Variants in NPFF observed in about 807,000 individuals in gnomAD.
NPFF encodes the protein pro-FMRFamide-related neuropeptide FF.
Under a neutral mutation model 12.9 loss-of-function variants are expected in NPFF, and 14 were observed. That is an observed-to-expected ratio of 1.09 (90% confidence interval 0.72 to 1.70). The LOEUF is 1.70. Among genes scored for constraint, NPFF ranks in the 40% most tolerant of loss-of-function variants. The pLI is 0.00. For missense variants in NPFF, 140 were observed against 135.7 expected (o/e 1.03, Z -0.16); for synonymous variants, 56 against 57.3 (o/e 0.98, Z 0.10).
intron 1 of NPFF, 59 bp downstream of exon 1, chr12:53,507,314 A>C: frequency 6.2e-7 from 1 of 1,608,610 alleles, no homozygotes; most frequent in South Asian, 1.1e-5. Flanking sequence ...CAGAACCTAG[A>C]GCACAAGTCT....
intron 1 of NPFF, 28 bp from the exon 2 acceptor site, chr12:53,507,170 A>C: frequency 6.2e-7 from 1 of 1,611,254 alleles, no homozygotes; most frequent in Non-Finnish European, 8.5e-7. Context: ...CAGGGAAGGA[A>C]GATGGGCAAA....
chr12:53,506,816 A>T lies in NPFF; in HGVS notation c.302T>A (p.Phe101Tyr). The part of the protein sequence containing the change: ...PRAGEGLNSQ[F>Y]WSLAAPQRFG... ...GCGTTGAGGGGCAGCCAGGCTCCAG[A>T]ACTGGGAATTCAGCCCCTCTCCAGC... The change falls in exon 3 of 3, where the codon TTC becomes TAC. Residue 101 changes from phenylalanine (F) to tyrosine (Y), a missense_variant. By Grantham distance (22) the Phe-to-Tyr change is conservative (BLOSUM62 3). Transcript: ENST00000267017. The T allele has an allele frequency of 6.3e-7, 1 of 1,597,424 alleles. No individual in the cohort carries two copies. The highest frequency in any genetic ancestry group is 8.5e-7 in the Non-Finnish European group (1 of 1,172,142).
intron 2 of NPFF, 59 bp downstream of exon 2, chr12:53,506,962 C>G (rs1273043237): frequency 6.3e-7 from 1 of 1,592,186 alleles, no homozygotes; most frequent in South Asian, 1.1e-5. Flanking sequence ...TCCTCTTCCT[C>G]TGCCTCCTGC....
intron 1 of NPFF, 77 bp downstream of exon 1, chr12:53,507,296 G>T: frequency 1.2e-6 from 2 of 1,601,464 alleles, no homozygotes; most frequent in Non-Finnish European, 8.5e-7. Flanking sequence ...GGCAGCCAGA[G>T]AAAGTATCAG....
In NPFF at chr12:53,506,718, C is replaced by T; in HGVS notation, c.*58G>A. 1 of 1,297,370 alleles carries T rather than the reference C, an allele frequency of 7.7e-7. No homozygotes were observed. The highest frequency in any genetic ancestry group is 1.1e-6 in the Non-Finnish European group (1 of 939,174). The allele number at this position is 1,297,370 out of a possible 1,614,324, so 80.4% of individuals were successfully genotyped here. A position where few individuals can be genotyped will look rare whatever the true frequency, so the allele number is the denominator to read the frequency against. On this transcript the variant is annotated 3_prime_UTR_variant, in exon 3 of 3. Coordinates refer to ENST00000267017, the MANE Select transcript of NPFF (RefSeq NM_003717.4). Reference sequence around the variant, plus strand: ...AAGCCAGACAATTTTATTTGGGGGGCAAACATTGACACTTTTGGGTGTGGA... The same window carrying T: ...AAGCCAGACAATTTTATTTGGGGGGTAAACATTGACACTTTTGGGTGTGGA...
intron 2 of NPFF, 59 bp from the exon 3 acceptor site, chr12:53,506,952 T>C: frequency 6.3e-7 from 1 of 1,585,440 alleles, no homozygotes; most frequent in Non-Finnish European, 8.6e-7. Context: ...CCCTTCCTTC[T>C]CCTCTTCCTC....
At chr12:53,507,283 C>A in intron 1 of NPFF, 90 bp downstream of exon 1, 1 of 1,597,226 alleles carries the variant, frequency 6.3e-7, no homozygotes, top group Non-Finnish European at 8.6e-7. Flanking sequence ...TAATGACAAC[C>A]TTGGCAGCCA....
rs1944037142 is a variant in NPFF, at chr12:53,507,421, C to A, written c.54G>T (p.Gly18=). 2 of 1,613,866 alleles carry A rather than the reference C, an allele frequency of 1.2e-6. No homozygotes were observed. Among genetic ancestry groups the A allele is most frequent in the African/African-American group, 2.7e-5 (2 of 74,890 alleles). ...GGCCTCCTGGCCCTTCAGCACAGCC[C>A]CCGTCTATTAACAGCAGCAGCACCA... ...ALLVLLLLID[G]GCAEGPGGQQ... Residue 18 remains glycine (G), a synonymous_variant, in exon 1 of 3, where the codon GGG becomes GGT. Coordinates refer to ENST00000267017, the MANE Select transcript of NPFF (RefSeq NM_003717.4).
rs1592748921 is a variant in NPFF at position 53,507,419 on chromosome 12, C to T, written c.56G>A (p.Gly19Asp). ...CTGGCCTCCTGGCCCTTCAGCACAG[C>T]CCCCGTCTATTAACAGCAGCAGCAC... ...LLVLLLLIDG[G>D]CAEGPGGQQE... The change falls in exon 1 of 3, where the codon GGC becomes GAC. Residue 19 changes from glycine to aspartate, a missense_variant. Transcript: ENST00000267017. The T allele has an allele frequency of 6.8e-6, 11 of 1,613,990 alleles. No homozygotes were observed. The East Asian group carries it at 2.0e-4, about 29-fold the overall frequency.
At chr12:53,507,206 G>A in intron 1 of NPFF, 64 bp from the exon 2 acceptor site, 1 of 1,593,136 alleles carries the variant, frequency 6.3e-7, no homozygotes, top group Non-Finnish European at 8.6e-7. Context: ...AGTCACAAGG[G>A]GAAGGGACTG....
chr12:53,507,254 T>A, intron 1 of NPFF, 112 bp from the exon 2 acceptor site: 1 of 1,584,780 alleles, frequency 6.3e-7, no homozygotes, highest in Non-Finnish European at 8.6e-7. Flanking sequence ...GCGGAACCAT[T>A]TCCTCAGATG....
Position 53,507,072 on chromosome 12 carries a change from TGGAGCA to T in NPFF, c.167_172del (p.Leu56_Leu57del). ...GCTCCGGCCAGGTCTCTCCATTGCCTGGAGCAGGTAGTGCAACAGTGACCCAGAGGT... is the reference window on the plus strand; with the variant it reads ...GCTCCGGCCAGGTCTCTCCATTGCCTGGTAGTGCAACAGTGACCCAGAGGT... On this transcript the variant is annotated inframe_deletion, in exon 2 of 3. Coordinates refer to ENST00000267017, the MANE Select transcript of NPFF (RefSeq NM_003717.4). 6.2e-7 allele frequency: 1 copy of T among 1,614,080 alleles called. No individual in the cohort carries two copies. Among genetic ancestry groups the T allele is most frequent in the Non-Finnish European group, 8.5e-7 (1 of 1,180,012 alleles).
Position 53,506,884 on chromosome 12 carries a change from T to C in NPFF, c.234A>G (p.Arg78=). 1 of 1,593,738 alleles carries C rather than the reference T, an allele frequency of 6.3e-7. No individual in the cohort carries two copies. Among genetic ancestry groups the C allele is most frequent in the Non-Finnish European group, 8.5e-7 (1 of 1,169,632 alleles). The stretch of plus-strand genomic sequence containing the variant: ...CATTCCTCCAGGATCCCTGGGTATT[T>C]CTGCCAAACCTTAGGAAAGATTTGT... ...AFLFQPQRFG[R]NTQGSWRNEW... is the part of the protein sequence containing the mutation. The change falls in exon 3 of 3, where the codon AGA becomes AGG. Residue 78 remains arginine (R), a synonymous_variant. Transcript: ENST00000267017.
chr12:53,506,905 T>C lies in NPFF; in HGVS notation c.225-12A>G, dbSNP rs763672192. On this transcript the variant is annotated splice_polypyrimidine_tract_variant and intron_variant, in intron 2 of 2. Transcript: ENST00000267017. ...TATTTCTGCCAAACCTTAGGAAAGA[T>C]TTGTCCTCAGGTCCCCGCAGTCTCC... The C allele has an allele frequency of 3.2e-6, 5 of 1,582,874 alleles. No individual in the cohort carries two copies. In the Admixed American group the frequency reaches 5.3e-5, roughly 17 times the overall value.
At chr12:53,506,941 C>A in intron 2 of NPFF, 48 bp from the exon 3 acceptor site, 1 of 1,582,348 alleles carries the variant, frequency 6.3e-7, no homozygotes, top group African/African-American at 1.3e-5. Flanking sequence ...CTTCTCTAGC[C>A]CCCTTCCTTC....
In NPFF at chr12:53,506,843, C is replaced by T. The variant is rs199569723; in HGVS notation, c.275G>A (p.Arg92Gln). Reference sequence around the variant, plus strand: ...CTGGGAATTCAGCCCCTCTCCAGCCCGGGGACTCAGCCATTCATTCCTCCA... The same window carrying T: ...CTGGGAATTCAGCCCCTCTCCAGCCTGGGGACTCAGCCATTCATTCCTCCA... ...GSWRNEWLSPRAGEGLNSQFW... is the reference protein window; with the variant it reads ...GSWRNEWLSPQAGEGLNSQFW... The change falls in exon 3 of 3, where the codon CGG (arginine) becomes CAG (glutamine). Residue 92 changes from arginine (R) to glutamine (Q), a missense_variant. Arg to Gln is a conservative substitution (Grantham distance 43). Transcript: ENST00000267017. 246 of 1,604,502 alleles carry T rather than the reference C, an allele frequency of 1.5e-4. No individual in the cohort carries two copies. The highest frequency in any genetic ancestry group is 2.0e-4 in the Non-Finnish European group (231 of 1,175,382).
chr12:53,507,375 C>T lies in NPFF; in HGVS notation c.100G>A (p.Ala34Thr), dbSNP rs549104190. 2.2e-5 allele frequency: 36 copies of T among 1,614,048 alleles called. No individual in the cohort carries two copies. In the Admixed American group the frequency reaches 3.8e-4, roughly 17 times the overall value. Residue 34 changes from alanine (A) to threonine (T), a missense_variant and splice_region_variant, in exon 1 of 3, where the codon GCG becomes ACG. Coordinates refer to ENST00000267017, the MANE Select transcript of NPFF (RefSeq NM_003717.4). ...ATGGGGATGGGACACACACTCACCG[C>T]GGAGAGCTGGTCTTCCTGCTGGCCT... ...PGGQQEDQLS[A>T]EEDSEPLPPQ... is the part of the protein sequence containing the mutation.
Position 53,507,089 on chromosome 12 carries a change from C to G in NPFF, c.156G>C (p.Leu52=), listed in dbSNP as rs1212265215. The G allele has an allele frequency of 6.2e-7, 1 of 1,614,106 alleles. No individual in the cohort carries two copies. The highest frequency in any genetic ancestry group is 1.3e-5 in the African/African-American group (1 of 75,038). Residue 52 remains leucine (L), a synonymous_variant, in exon 2 of 3, where the codon CTG becomes CTC. Transcript: ENST00000267017. The part of the protein sequence containing the change: ...PPQDAQTSGS[L]LHYLLQAMER... Reference sequence around the variant, plus strand: ...CCATTGCCTGGAGCAGGTAGTGCAACAGTGACCCAGAGGTCTGGGCATCCT... The same window carrying G: ...CCATTGCCTGGAGCAGGTAGTGCAAGAGTGACCCAGAGGTCTGGGCATCCT...
In NPFF at chr12:53,507,480, C is replaced by T. The variant is rs761266161; in HGVS notation, c.-6G>A. ...GCAGCCTGCCTAGAATCCATGCTGC[C>T]ACCTACCCTCCTACAGCCACCCCAA... On this transcript the variant is annotated 5_prime_UTR_variant, in exon 1 of 3. Coordinates refer to ENST00000267017, the MANE Select transcript of NPFF (RefSeq NM_003717.4). The T allele has an allele frequency of 6.2e-7, 1 of 1,611,934 alleles. No individual in the cohort carries two copies. The highest frequency in any genetic ancestry group is 1.1e-5 in the South Asian group (1 of 91,050).
Sources: allele counts gnomAD v4.1 joint callset, GRCh38; gene constraint gnomAD v4.1.1; transcripts MANE v1.5; gene names NCBI Gene and HGNC (gene_info 2026-07-23, HGNC 2026-07-21).